ANKFN1: variants seen among roughly 807,000 people sequenced by gnomAD.
ANKFN1 encodes the protein ankyrin repeat and fibronectin type III domain containing 1.
ANKFN1 carries 74 observed loss-of-function variants against 108.7 expected under a neutral mutation model. The observed-to-expected ratio is 0.68, with a 90% CI of 0.56 to 0.83. The LOEUF (loss-of-function observed/expected upper bound fraction) is 0.83. ANKFN1 is among the 40% of genes least tolerant of loss of function. ANKFN1 has a pLI of 0.00. For missense variants in ANKFN1, 1,505 were observed against 1,382.3 expected, an observed-to-expected ratio of 1.09 and a Z score of -1.41; for synonymous variants, 547 against 516.2, an observed-to-expected ratio of 1.06 and a Z score of -0.81.
In ANKFN1 at chr17:56,514,404, C is replaced by T. The variant is rs1392958367; in HGVS notation, c.*3135C>T. Among the ~76,000 whole-genome samples the T allele has an allele frequency of 6.6e-6, 1 of 152,206 alleles. No homozygotes were observed. The highest frequency in any genetic ancestry group is 1.5e-5 in the Non-Finnish European group (1 of 68,032). ...AGAGGCAGGAGCCTGTCTCCTCAGC[C>T]AGGCAGACATAGTGCATGTTGGGCT... On this transcript the variant is annotated 3_prime_UTR_variant, in exon 21 of 21. Transcript: ENST00000682825.
intron 20 of ANKFN1, among the ~76,000 whole-genome samples, chr17:56,506,438 G>T (rs1191399993): frequency 6.6e-6 from 1 of 152,090 alleles, no homozygotes; most frequent in Non-Finnish European, 1.5e-5. Flanking sequence ...AGAGATAGCA[G>T]TGGCATGCTC....
Position 56,457,145 on chromosome 17 carries a change from T to C in ANKFN1, c.1308-112T>C, listed in dbSNP as rs1403653512. The stretch of plus-strand genomic sequence containing the variant: ...GTTGTAACTAGTGAACTTATGATAC[T>C]TAGCAGGAATACGTTCCTAGGTATA... On this transcript the variant is annotated intron_variant, in intron 12 of 20. Coordinates refer to ENST00000682825, the MANE Select transcript of ANKFN1 (RefSeq NM_001370326.1). 6.7e-6 allele frequency: 8 copies of C among 1,188,456 alleles called. No individual in the cohort carries two copies. In the South Asian group the frequency reaches 1.3e-4, roughly 19 times the overall value. 73.6% of individuals were successfully genotyped at this position (1,188,456 alleles called of 1,614,324 possible).
intron 11 of ANKFN1, among the ~76,000 whole-genome samples, chr17:56,456,492 G>C (rs1008491350): frequency 4.0e-5 from 6 of 149,656 alleles, no homozygotes; most frequent in African/African-American, 1.5e-4. Context: ...CTGCCTCCCG[G>C]GTTCAAGCGA....
At chr17:56,169,428 T>C (rs1322052797) in intron 1 of ANKFN1, among the ~76,000 whole-genome samples, 1 of 152,068 alleles carries the variant, frequency 6.6e-6, no homozygotes, top group East Asian at 1.9e-4. Flanking sequence ...CACCGCCACA[T>C]CCAGCTAATT....
intron 11 of ANKFN1, among the ~76,000 whole-genome samples, chr17:56,456,294 C>T (rs112999227): frequency 6.6e-6 from 1 of 152,002 alleles, no homozygotes; most frequent in East Asian, 1.9e-4. Flanking sequence ...AGAACACCTA[C>T]GTGGTCTCCT....
chr17:56,478,725 A>G (rs2050596489), intron 16 of ANKFN1, among the ~76,000 whole-genome samples: 4 of 117,396 alleles, frequency 3.4e-5, no homozygotes, highest in South Asian at 2.5e-4. Flanking sequence ...AATAGACAAG[A>G]AAAAAAAAAG....
chr17:56,117,158 A>G (rs7209324), intron 4 of ANKFN1, among the ~76,000 whole-genome samples: 46,233 of 152,108 alleles, frequency 0.3, 8,650 homozygotes, highest in East Asian at 0.48. Context: ...TATTAAATCC[A>G]TAAGGATTGG....
In ANKFN1 at chr17:56,084,509, G is replaced by A. The variant is rs531232286; in HGVS notation, c.288+38184G>A. Reference sequence around the variant, plus strand: ...GGAGAGGCCCTCTTAGTTCTGAGGTGACTGAGCCTCTATCGTGTGGGCTGG... The same window carrying A: ...GGAGAGGCCCTCTTAGTTCTGAGGTAACTGAGCCTCTATCGTGTGGGCTGG... On this transcript the variant is annotated intron_variant, in intron 4 of 12. Transcript: ENST00000635860. Among the ~76,000 whole-genome samples the A allele has an allele frequency of 4.0e-5, 6 of 151,440 alleles. No homozygotes were observed. The South Asian group carries it at 8.4e-4, about 21-fold the overall frequency.
intron 2 of ANKFN1, 36 bp from the exon 3 acceptor site, chr17:56,227,881 A>AT (rs1916403448): frequency 1.3e-6 from 2 of 1,574,648 alleles, no homozygotes; most frequent in Non-Finnish European, 1.7e-6. Context: ...TTACTGTACA[A>AT]TTTTTTAACA....
chr17:56,148,333 G>A (rs921920723), intron 4 of ANKFN1, among the ~76,000 whole-genome samples: 3 of 152,200 alleles, frequency 2.0e-5, no homozygotes, highest in Non-Finnish European at 4.4e-5. Context: ...ACACGAATGG[G>A]ATGATTCTCC....
intron 2 of ANKFN1, among the ~76,000 whole-genome samples, chr17:56,220,373 T>A (rs1837122055): frequency 6.6e-6 from 1 of 152,122 alleles, no homozygotes; most frequent in Non-Finnish European, 1.5e-5. Context: ...AGAAATAGCT[T>A]CTGGATGCGG....
chr17:56,267,980 G>A (rs1239275572), intron 3 of ANKFN1, among the ~76,000 whole-genome samples: 3 of 152,062 alleles, frequency 2.0e-5, no homozygotes, highest in Non-Finnish European at 4.4e-5. Context: ...ATTATTTCAG[G>A]AAGTATGGCT....
At chr17:56,346,487 T>G (rs993365262) in intron 4 of ANKFN1, among the ~76,000 whole-genome samples, 1 of 151,970 alleles carries the variant, frequency 6.6e-6, no homozygotes, top group Non-Finnish European at 1.5e-5. Context: ...AACTGTTGGT[T>G]TCCAAGACTG....
At chr17:56,481,572 C>T (rs773703439) in intron 17 of ANKFN1, among the ~76,000 whole-genome samples, 60 of 151,888 alleles carry the variant, frequency 4.0e-4, no homozygotes, top group East Asian at 1.9e-4. Context: ...ATTAGAGGAG[C>T]GACTGGCTCT....
intron 1 of ANKFN1, among the ~76,000 whole-genome samples, chr17:56,199,738 A>G (rs1913874152): frequency 6.6e-6 from 1 of 152,154 alleles, no homozygotes; most frequent in Non-Finnish European, 1.5e-5. Flanking sequence ...TGAAATCTGA[A>G]TTTTCGATAA....
chr17:56,105,918 G>A (rs905651538), intron 4 of ANKFN1, among the ~76,000 whole-genome samples: 1 of 152,052 alleles, frequency 6.6e-6, no homozygotes, highest in East Asian at 1.9e-4. Context: ...GGAGGTAAAG[G>A]CACGGGATGC....
intron 14 of ANKFN1, among the ~76,000 whole-genome samples, chr17:56,458,337 G>T (rs1434197010): frequency 6.6e-6 from 1 of 152,084 alleles, no homozygotes; most frequent in Non-Finnish European, 1.5e-5. Context: ...AGTTTAATGA[G>T]ATCTCTTGAA....
intron 4 of ANKFN1, among the ~76,000 whole-genome samples, chr17:56,108,227 G>C (rs1179374048): frequency 6.6e-6 from 1 of 152,148 alleles, no homozygotes; most frequent in Non-Finnish European, 1.5e-5. Flanking sequence ...GTAGAGACGG[G>C]GTTTCACCAC....
intron 4 of ANKFN1, among the ~76,000 whole-genome samples, chr17:56,049,959 A>G (rs1904747021): frequency 6.6e-6 from 1 of 152,186 alleles, no homozygotes; most frequent in Admixed American, 6.5e-5. Flanking sequence ...TTTCTGAGGA[A>G]TCGCCACACT....
Sources: allele counts gnomAD v4.1 joint callset (sites outside exome capture counted in the v4.1 genomes callset), GRCh38; gene constraint gnomAD v4.1.1; transcripts MANE v1.5; gene names NCBI Gene and HGNC (gene_info 2026-07-23, HGNC 2026-07-21).